Variants in DEAF1 observed in about 807,000 individuals in gnomAD.
DEAF1 encodes the protein DEAF1 transcription factor, also known as deformed epidermal autoregulatory factor 1 homolog.
A neutral mutation model predicts 58.9 loss-of-function variants in DEAF1; 53 were observed. That is an observed-to-expected ratio of 0.90 (90% CI 0.72 to 1.13). The LOEUF is 1.13. Ranked by LOEUF, DEAF1 falls within the 50% of genes most tolerant of loss-of-function variation. DEAF1 has a pLI of 0.00. For synonymous variants in DEAF1, 385 were observed against 340.4 expected (o/e 1.13, Z -1.44); for missense variants, 685 against 791.4 (o/e 0.87, Z 1.61).
intron 5 of DEAF1, among the ~76,000 whole-genome samples, chr11:686,180 T>G (rs1860585968): frequency 6.7e-6 from 1 of 149,114 alleles, no homozygotes; most frequent in Non-Finnish European, 1.5e-5. Flanking sequence ...TAATCCCAGC[T>G]ACTCAGGAGG....
At chr11:682,421 T>G (rs189963107) in intron 6 of DEAF1, among the ~76,000 whole-genome samples, 8 of 152,360 alleles carry the variant, frequency 5.3e-5, no homozygotes, top group African/African-American at 9.6e-5. Flanking sequence ...CTTGCTCTAA[T>G]GGAACTGCTG....
Position 687,930 on chromosome 11 carries a change from G to A in DEAF1, c.645C>T (p.Tyr215=). The stretch of plus-strand genomic sequence containing the variant: ...CCTCACCTGAGCCGAGCCTGTTCTT[G>A]TACAGAGTGCCGCTGATGTTCCGGC... ...VRCRNISGTL[Y]KNRLGSGGRG... The change falls in exon 4 of 12, where the codon TAC becomes TAT. Residue 215 remains tyrosine (Y), a synonymous_variant. Transcript: ENST00000382409. 1 of 1,614,088 alleles carries A rather than the reference G, an allele frequency of 6.2e-7. No homozygotes were observed. Among genetic ancestry groups the A allele is most frequent in the Non-Finnish European group, 8.5e-7 (1 of 1,180,024 alleles).
At chr11:649,103 T>C (rs184880358) in intron 11 of DEAF1, among the ~76,000 whole-genome samples, 1 of 152,002 alleles carries the variant, frequency 6.6e-6, no homozygotes, top group Non-Finnish European at 1.5e-5. Context: ...ATACAAAAAT[T>C]AGCCTGGCAT....
chr11:702,421 G>A (rs955084273), intron 1 of DEAF1, among the ~76,000 whole-genome samples: 7 of 152,212 alleles, frequency 4.6e-5, no homozygotes, highest in African/African-American at 9.7e-5. Context: ...CTAGGCCAAC[G>A]GGACCCTCCC....
intron 10 of DEAF1, among the ~76,000 whole-genome samples, chr11:655,801 G>T (rs1859022108): frequency 6.6e-6 from 1 of 152,024 alleles, no homozygotes; most frequent in Non-Finnish European, 1.5e-5. Flanking sequence ...TGCTAATTTA[G>T]GTTGCCCCCT....
At chr11:678,633 T>C (rs1860188476) in intron 9 of DEAF1, 61 bp downstream of exon 9, 2 of 1,610,484 alleles carry the variant, frequency 1.2e-6, no homozygotes, top group Admixed American at 3.3e-5. Flanking sequence ...TTAGGAATTC[T>C]TTCATTGGAA....
At chr11:666,062 G>A (rs1003485791) in intron 10 of DEAF1, 2 of 152,250 alleles carry the variant, frequency 1.3e-5, no homozygotes, top group Non-Finnish European at 2.9e-5. Context: ...AAAGTCTGGA[G>A]TTTGAACCTT....
rs751558688 is a variant in DEAF1 at position 674,690 on chromosome 11, G to A, written c.1349C>T (p.Pro450Leu). ...CTCTTCTAGGTACAGCCAGCTCCGC[G>A]GCTCTGACAGCTCCAGCCCATTGAC... ...ALVNGLELSE[P>L]RSWLYLEEMV... The change falls in exon 10 of 12, where the codon CCG becomes CTG. Residue 450 changes from proline (P) to leucine (L), a missense_variant. Around this residue, in one of 3 missense-constraint regions of DEAF1, gnomAD observed 343 missense variants for 379.8 expected, o/e 0.90. Coordinates refer to ENST00000382409, the MANE Select transcript of DEAF1 (RefSeq NM_021008.4). 11 of 1,614,008 alleles carry A rather than the reference G, an allele frequency of 6.8e-6. No individual in the cohort carries two copies. Among genetic ancestry groups the A allele is most frequent in the Middle Eastern group, 1.6e-4 (1 of 6,062 alleles).
At position 644,301 on chromosome 11, in the gene DEAF1, C is replaced by T. The variant is rs1194311306; in HGVS notation, c.*249G>A. The T allele has an allele frequency of 5.1e-6, 3 of 590,188 alleles. No individual in the cohort carries two copies. Among genetic ancestry groups the T allele is most frequent in the Admixed American group, 2.8e-5 (1 of 35,730 alleles). 36.6% of individuals were successfully genotyped at this position (590,188 alleles called of 1,614,324 possible). A position where few individuals can be genotyped will look rare whatever the true frequency, so the allele number is the denominator to read the frequency against. On this transcript the variant is annotated 3_prime_UTR_variant, in exon 12 of 12. Coordinates refer to ENST00000382409, the MANE Select transcript of DEAF1 (RefSeq NM_021008.4). This position sits in a 1 kb window ranked among gnomAD's most constrained non-coding sequence, Gnocchi z 4.3. Reference sequence around the variant, plus strand: ...TGCGTCGCAGCACAGGCCCTGTGGGCAAGACCGGACGCTCATGATCCCAGG... The same window carrying T: ...TGCGTCGCAGCACAGGCCCTGTGGGTAAGACCGGACGCTCATGATCCCAGG...
Position 654,527 on chromosome 11 carries a change from G to C in DEAF1, c.1504-476C>G, listed in dbSNP as rs1858953015. ...GCTCAGAACGTTCTTGTCACCTCCA[G>C]AATCAGCTCTTTCCTGGCCTCAGTG... On this transcript the variant is annotated intron_variant, in intron 10 of 11. Coordinates refer to ENST00000382409, the MANE Select transcript of DEAF1 (RefSeq NM_021008.4). 6 of 455,220 alleles carry C rather than the reference G, an allele frequency of 1.3e-5. No individual in the cohort carries two copies. In the Admixed American group the frequency reaches 1.4e-4, roughly 11 times the overall value. The allele number at this position is 455,220 out of a possible 1,614,324, so 28.2% of individuals were successfully genotyped here.
At chr11:647,272 G>T (rs552939813) in intron 11 of DEAF1, among the ~76,000 whole-genome samples, 1 of 152,242 alleles carries the variant, frequency 6.6e-6, no homozygotes, top group African/African-American at 2.4e-5. Context: ...TGAACAACAT[G>T]GTGAAACCCC....
rs1271335637 is a variant in DEAF1, at chr11:679,696, C to T, written c.1118G>A (p.Gly373Glu). The T allele has an allele frequency of 6.2e-7, 1 of 1,612,326 alleles. No homozygotes were observed. Among genetic ancestry groups the T allele is most frequent in the Non-Finnish European group, 8.5e-7 (1 of 1,180,034 alleles). Reference protein sequence around the residue: ...ESPAQGDVFAGATVQEASVQP... With the variant: ...ESPAQGDVFAEATVQEASVQP... ...GCACTGGAGCAGCTCACCTGTGGCCCCTGCGAAGACGTCGCCCTGGGCCGG... is the reference window on the plus strand; with the variant it reads ...GCACTGGAGCAGCTCACCTGTGGCCTCTGCGAAGACGTCGCCCTGGGCCGG... The change falls in exon 8 of 12, where the codon GGG becomes GAG. Residue 373 changes from glycine (G) to glutamate (E), a missense_variant. Gly to Glu is a moderately conservative substitution (Grantham distance 98). Around this residue, in one of 3 missense-constraint regions of DEAF1, gnomAD observed 343 missense variants for 379.8 expected, o/e 0.90. Transcript: ENST00000382409.
At chr11:682,209 G>A (rs1860407956) in intron 6 of DEAF1, among the ~76,000 whole-genome samples, 1 of 152,196 alleles carries the variant, frequency 6.6e-6, no homozygotes, top group Non-Finnish European at 1.5e-5. Flanking sequence ...GTGTAGTCAA[G>A]TGTCAGAATC....
intron 10 of DEAF1, among the ~76,000 whole-genome samples, chr11:669,867 C>G (rs1859728818): frequency 1.5e-5 from 2 of 137,760 alleles, no homozygotes; most frequent in African/African-American, 5.5e-5. Context: ...GAGGCGAAGG[C>G]TACAGTGAGC....
At chr11:690,045 G>A (rs1860759381) in intron 2 of DEAF1, among the ~76,000 whole-genome samples, 1 of 151,094 alleles carries the variant, frequency 6.6e-6, no homozygotes, top group Non-Finnish European at 1.5e-5. Context: ...CAAGTTTCTG[G>A]GCTGGGTGCG....
At chr11:682,823 C>A (rs1860435389) in intron 6 of DEAF1, among the ~76,000 whole-genome samples, 1 of 152,148 alleles carries the variant, frequency 6.6e-6, no homozygotes, top group Admixed American at 6.5e-5. Context: ...AGTCACACTT[C>A]CCAGGAATTT....
At chr11:659,828 A>G (rs958120370) in intron 10 of DEAF1, among the ~76,000 whole-genome samples, 2 of 152,170 alleles carry the variant, frequency 1.3e-5, no homozygotes, top group African/African-American at 4.8e-5. Context: ...GGGGAGAGTG[A>G]GCAGGAAGCC....
chr11:644,484 C>G lies in DEAF1; in HGVS notation c.*66G>C, dbSNP rs1450726456. On this transcript the variant is annotated 3_prime_UTR_variant, in exon 12 of 12. Coordinates refer to ENST00000382409, the MANE Select transcript of DEAF1 (RefSeq NM_021008.4). This position sits in a 1 kb window ranked among gnomAD's most constrained non-coding sequence, Gnocchi z 4.3. ...CGTCCCCCCAGAGTCCTCAGGGGGGCCTTCGACCTGCAAAAGCCTCACAGG... is the reference window on the plus strand; with the variant it reads ...CGTCCCCCCAGAGTCCTCAGGGGGGGCTTCGACCTGCAAAAGCCTCACAGG... The G allele has an allele frequency of 3.1e-6, 4 of 1,274,170 alleles. No individual in the cohort carries two copies. Among genetic ancestry groups the G allele is most frequent in the Non-Finnish European group, 4.5e-6 (4 of 890,372 alleles). 78.9% of individuals were successfully genotyped at this position (1,274,170 alleles called of 1,614,324 possible).
At chr11:690,682 G>A (rs1399358090) in intron 2 of DEAF1, among the ~76,000 whole-genome samples, 1 of 152,114 alleles carries the variant, frequency 6.6e-6, no homozygotes, top group East Asian at 1.9e-4. Flanking sequence ...GGAGGCGGAG[G>A]TTGCAATGAG....
Sources: gnomAD v4.1 joint callset for allele counts (sites outside exome capture counted in the v4.1 genomes callset) on GRCh38, gnomAD v4.1.1 for gene constraint, gnomAD v4.1.1 regional missense constraint, Gnocchi (gnomAD v3.1) non-coding constraint, MANE v1.5 for transcripts, NCBI Gene and HGNC (gene_info 2026-07-23, HGNC 2026-07-21) for gene names.